PCDHA12: variants seen among roughly 807,000 people sequenced by gnomAD.
PCDHA12 encodes protocadherin alpha-12.
Under a neutral mutation model 60.0 loss-of-function variants are expected in PCDHA12, and 44 were observed. The ratio of observed to expected loss-of-function variants is 0.73; its 90% CI spans 0.58 to 0.94. PCDHA12 has a LOEUF of 0.94. Ranked by LOEUF, PCDHA12 falls within the 40% of genes least tolerant of loss-of-function variation. The pLI, the probability that PCDHA12 is intolerant of heterozygous loss-of-function variation, is 0.00. For synonymous variants in PCDHA12, 569 were observed against 553.0 expected, an observed-to-expected ratio of 1.03 and a Z score of -0.40; for missense variants, 1,276 against 1,239.7, an observed-to-expected ratio of 1.03 and a Z score of -0.44.
chr5:140,878,583 T>C (rs1355382396), intron 1 of PCDHA12, among the ~76,000 whole-genome samples: 1 of 152,236 alleles, frequency 6.6e-6, no homozygotes, highest in African/African-American at 2.4e-5. Context: ...CACTGCCCTG[T>C]GCCTATTACC....
chr5:140,926,791 G>A, intron 1 of PCDHA12: 6 of 1,439,200 alleles, frequency 4.2e-6, no homozygotes, highest in East Asian at 2.5e-5. Context: ...GCCGGCAGGA[G>A]CGTGCTCTTC....
rs57893927 is a variant in PCDHA12, at chr5:140,946,631, T to TATATATATATATATATATATATAC, written c.2368-32317_2368-32316insTATATATATATATATATATATACA. Among the ~76,000 whole-genome samples the TATATATATATATATATATATATAC allele has an allele frequency of 2.6e-3, 340 of 131,752 alleles. 23 individuals carry two copies. The highest frequency in any genetic ancestry group is 0.011 in the African/African-American group (303 of 28,632). The allele number at this position is 131,752 out of a possible 152,430, so 86.4% of individuals were successfully genotyped here. On this transcript the variant is annotated intron_variant, in intron 1 of 3. Transcript: ENST00000398631. ...TGTGAAATATATATATATATATATA[T>TATATATATATATATATATATATAC]ACAATGGAATACTCATCAGCCATTA...
intron 1 of PCDHA12, among the ~76,000 whole-genome samples, chr5:140,880,397 A>C (rs1420314604): frequency 6.6e-6 from 1 of 152,246 alleles, no homozygotes; most frequent in Non-Finnish European, 1.5e-5. Context: ...TTTTAAGAGC[A>C]TATGGTTGAC....
chr5:140,884,386 G>T (rs372595984), intron 1 of PCDHA12: 2 of 1,613,986 alleles, frequency 1.2e-6, no homozygotes, highest in African/African-American at 2.7e-5. Flanking sequence ...CCATCTGCGC[G>T]GTGTCCAGCC....
Position 140,926,923 on chromosome 5 carries a change from T to C in PCDHA12, c.2367+49084T>C, listed in dbSNP as rs532425369. On this transcript the variant is annotated intron_variant, in intron 1 of 3. Transcript: ENST00000398631. ...GGGCTGTGGGGTGGCAGTTTTATGT[T>C]TGTGGGTTTCCTGCGGCGCTGCAGC... 35 of 1,571,554 alleles carry C rather than the reference T, an allele frequency of 2.2e-5. No homozygotes were observed. The East Asian group carries it at 6.5e-4, about 29-fold the overall frequency.
intron 1 of PCDHA12, among the ~76,000 whole-genome samples, chr5:140,938,620 C>G (rs571731816): frequency 1.3e-5 from 2 of 152,172 alleles, no homozygotes; most frequent in African/African-American, 4.8e-5. Context: ...GGAATAAACT[C>G]AGGTTGCTTA....
chr5:140,883,256 A>G, intron 1 of PCDHA12: 2 of 1,614,146 alleles, frequency 1.2e-6, no homozygotes, highest in Non-Finnish European at 1.7e-6. Flanking sequence ...AAATATTCCA[A>G]TGGCGGGTCA....
At chr5:140,886,690 G>T (rs1321168089) in intron 1 of PCDHA12, among the ~76,000 whole-genome samples, 3 of 151,964 alleles carry the variant, frequency 2.0e-5, no homozygotes, top group African/African-American at 7.2e-5. Flanking sequence ...GCGAGGCATG[G>T]TGGCACGCGC....
At chr5:140,926,899 G>T (rs1554203765) in intron 1 of PCDHA12, 28 of 1,552,028 alleles carry the variant, frequency 1.8e-5, no homozygotes, top group Non-Finnish European at 2.4e-5. Context: ...GAGGATGGTG[G>T]GCTGTGGGGT....
At chr5:140,962,772 T>C (rs1039768584) in intron 1 of PCDHA12, among the ~76,000 whole-genome samples, 2 of 152,336 alleles carry the variant, frequency 1.3e-5, no homozygotes, top group Admixed American at 1.3e-4. Context: ...TTTAACAAGA[T>C]GGAATTTTTA....
chr5:140,933,999 C>T (rs1399268046), intron 1 of PCDHA12, among the ~76,000 whole-genome samples: 2 of 152,050 alleles, frequency 1.3e-5, no homozygotes, highest in South Asian at 2.1e-4. Context: ...TGTCACCTCT[C>T]ATTTTTCTTG....
chr5:140,904,716 G>T, intron 1 of PCDHA12, among the ~76,000 whole-genome samples: 1 of 151,886 alleles, frequency 6.6e-6, no homozygotes. Context: ...ACCACATTCT[G>T]GCCAACATCT....
intron 1 of PCDHA12, among the ~76,000 whole-genome samples, chr5:140,887,248 C>T (rs1232310514): frequency 6.6e-6 from 1 of 152,046 alleles, no homozygotes; most frequent in Non-Finnish European, 1.5e-5. Flanking sequence ...CGGCGCCCGC[C>T]ACCACGCCCT....
At chr5:140,895,116 T>C (rs2064856298) in intron 1 of PCDHA12, among the ~76,000 whole-genome samples, 1 of 152,182 alleles carries the variant, frequency 6.6e-6, no homozygotes, top group African/African-American at 2.4e-5. Flanking sequence ...AAGAAGACAT[T>C]TGTTAGTTGA....
At chr5:140,939,603 C>T (rs1158258856) in intron 1 of PCDHA12, among the ~76,000 whole-genome samples, 1 of 152,068 alleles carries the variant, frequency 6.6e-6, no homozygotes, top group Non-Finnish European at 1.5e-5. Flanking sequence ...TGCTCAAAAA[C>T]AGAACAAGGA....
At chr5:140,891,499 C>T (rs896936552) in intron 1 of PCDHA12, among the ~76,000 whole-genome samples, 1 of 151,838 alleles carries the variant, frequency 6.6e-6, no homozygotes, top group South Asian at 2.1e-4. Flanking sequence ...ATATCCTCAG[C>T]TATAATGTTC....
chr5:140,919,301 A>G (rs1278715166), intron 1 of PCDHA12, among the ~76,000 whole-genome samples: 1 of 152,158 alleles, frequency 6.6e-6, no homozygotes, highest in African/African-American at 2.4e-5. Context: ...CTGTTTGTAC[A>G]ATATATGTTT....
intron 1 of PCDHA12, among the ~76,000 whole-genome samples, chr5:140,936,259 T>A (rs1327533719): frequency 6.6e-6 from 1 of 152,228 alleles, no homozygotes; most frequent in African/African-American, 2.4e-5. Context: ...CTTCAAGTCA[T>A]GAAGATATAT....
At chr5:140,929,362 G>A (rs781830495) in intron 1 of PCDHA12, 13 of 1,520,234 alleles carry the variant, frequency 8.6e-6, no homozygotes, top group Middle Eastern at 1.8e-4. Flanking sequence ...CCTTTGGCCC[G>A]GAGATGGCTG....
Sources: gnomAD v4.1 joint callset for allele counts (sites outside exome capture counted in the v4.1 genomes callset) on GRCh38, gnomAD v4.1.1 for gene constraint, MANE v1.5 for transcripts, NCBI Gene and HGNC (gene_info 2026-07-23, HGNC 2026-07-21) for gene names.